RIC8B: variants seen among roughly 807,000 people sequenced by gnomAD.
RIC8B encodes RIC8 guanine nucleotide exchange factor B.
RIC8B carries 16 observed loss-of-function variants against 57.5 expected under a neutral mutation model. The observed-to-expected ratio is 0.28, with a 90% CI of 0.19 to 0.42. The LOEUF is 0.42. Ranked by LOEUF, RIC8B falls within the 10% of genes least tolerant of loss-of-function variation. The probability of loss-of-function intolerance (pLI) is 1.00; values close to 1 mark genes in which losing one functional copy is unlikely to be tolerated. For missense variants in RIC8B, 481 were observed against 677.0 expected, an observed-to-expected ratio of 0.71 and a Z score of 3.21; for synonymous variants, 216 against 250.8, an observed-to-expected ratio of 0.86 and a Z score of 1.31.
At chr12:106,788,433 G>A (rs552279366) in intron 2 of RIC8B, among the ~76,000 whole-genome samples, 73 of 152,296 alleles carry the variant, frequency 4.8e-4, no homozygotes, top group Admixed American at 4.1e-3. Flanking sequence ...TAGGGACTCC[G>A]TGTGGGGGCT....
Position 106,825,785 on chromosome 12 carries a change from A to G in RIC8B, c.801A>G (p.Val267=). The G allele has an allele frequency of 6.2e-7, 1 of 1,613,638 alleles. No individual in the cohort carries two copies. ...TCCTTCGTCATTGTTTACTAATCGTAGGTCCAACTGAAGACAAAACAGAAG... is the reference window on the plus strand; with the variant it reads ...TCCTTCGTCATTGTTTACTAATCGTGGGTCCAACTGAAGACAAAACAGAAG... The part of the protein sequence containing the change: ...AAVLRHCLLI[V]GPTEDKTEEL... Residue 267 remains valine, a synonymous_variant, in exon 4 of 10, where the codon GTA becomes GTG. Transcript: ENST00000392837.
chr12:106,823,243 AAG>A lies in RIC8B; in HGVS notation c.742-2480_742-2479del, dbSNP rs1221084130. On this transcript the variant is annotated intron_variant, in intron 3 of 9. Transcript: ENST00000392837. ...CAAATTATGATTTCATGAGAGAAAA[AAG>A]AGTCTTCTCGGAGAAGATACTTTAG... 9 of 256,820 alleles carry A rather than the reference AAG, an allele frequency of 3.5e-5. No individual in the cohort carries two copies. The Admixed American group carries it at 3.7e-4, about 11-fold the overall frequency. The allele number at this position is 256,820 out of a possible 1,614,324, so 15.9% of individuals were successfully genotyped here.
intron 2 of RIC8B, among the ~76,000 whole-genome samples, chr12:106,792,641 A>T (rs1298775279): frequency 1.3e-5 from 2 of 152,182 alleles, no homozygotes; most frequent in South Asian, 2.1e-4. Context: ...AAAAAATCTA[A>T]AAGTAAGAAA....
At chr12:106,846,714 C>G (rs537957641) in intron 6 of RIC8B, among the ~76,000 whole-genome samples, 1 of 97,674 alleles carries the variant, frequency 1.0e-5, no homozygotes, top group Non-Finnish European at 2.1e-5. Context: ...TATCTCTAAA[C>G]AGAACAGCCA....
At chr12:106,800,720 A>C (rs183141642) in intron 2 of RIC8B, among the ~76,000 whole-genome samples, 1 of 152,326 alleles carries the variant, frequency 6.6e-6, no homozygotes, top group East Asian at 1.9e-4. Flanking sequence ...AGGGATTCAA[A>C]GATAGAGGAA....
At chr12:106,803,871 C>A (rs1475894196) in intron 2 of RIC8B, among the ~76,000 whole-genome samples, 1 of 152,102 alleles carries the variant, frequency 6.6e-6, no homozygotes, top group Non-Finnish European at 1.5e-5. Context: ...CTTAGAAATG[C>A]AAAATTTTAG....
At chr12:106,803,214 T>TAAAAAAAAAAAAAAAAAAAAA (rs758690591) in intron 2 of RIC8B, among the ~76,000 whole-genome samples, 2 of 84,276 alleles carry the variant, frequency 2.4e-5, no homozygotes, top group Admixed American at 1.6e-4. Context: ...ATACCCTGTC[T>TAAAAAAAAAAAAAAAAAAAAA]CAAAAAAAAA....
intron 2 of RIC8B, among the ~76,000 whole-genome samples, chr12:106,807,815 G>A (rs981011046): frequency 1.3e-5 from 2 of 152,208 alleles, no homozygotes; most frequent in Non-Finnish European, 2.9e-5. Context: ...GCTGGGCACT[G>A]TAGCTCATGC....
chr12:106,888,978 C>CTAGA lies in RIC8B; in HGVS notation c.*2964_*2965insAGAT, dbSNP rs745994385. On this transcript the variant is annotated 3_prime_UTR_variant, in exon 10 of 10. Transcript: ENST00000392837. ...ACACAGAATGAGGCAGTACAAGTGACTCTAAACACCCCCTTAGTGCCACAT... is the reference window on the plus strand; with the variant it reads ...ACACAGAATGAGGCAGTACAAGTGACTAGATCTAAACACCCCCTTAGTGCCACAT... 1.3e-5 allele frequency: 2 copies of CTAGA among 152,172 alleles called. No homozygotes were observed. The highest frequency in any genetic ancestry group is 2.4e-5 in the African/African-American group (1 of 41,434). The allele number at this position is 152,172 out of a possible 1,614,324, so 9.4% of individuals were successfully genotyped here.
intron 4 of RIC8B, among the ~76,000 whole-genome samples, chr12:106,832,575 A>G (rs1032070281): frequency 2.8e-4 from 42 of 152,004 alleles, no homozygotes; most frequent in Admixed American, 2.1e-3. Context: ...TGAAAAAAAA[A>G]AAAAAATTTA....
At chr12:106,819,085 T>C (rs576324248) in intron 3 of RIC8B, among the ~76,000 whole-genome samples, 8 of 152,338 alleles carry the variant, frequency 5.3e-5, no homozygotes, top group Admixed American at 3.9e-4. Context: ...TTTTTAACTA[T>C]TCTTCATTGT....
At chr12:106,868,252 T>C (rs73200076) in intron 8 of RIC8B, 17,838 of 455,900 alleles carry the variant, frequency 0.039, 489 homozygotes, top group Middle Eastern at 0.068. Context: ...TGTGTGCAAA[T>C]GTCATTATAT....
chr12:106,827,958 G>T (rs951979670), intron 4 of RIC8B, among the ~76,000 whole-genome samples: 5 of 152,122 alleles, frequency 3.3e-5, no homozygotes, highest in Admixed American at 2.0e-4. Flanking sequence ...AGATTTCTCC[G>T]AATAATGAAT....
intron 6 of RIC8B, among the ~76,000 whole-genome samples, chr12:106,850,094 T>C (rs1217981186): frequency 1.3e-5 from 2 of 152,198 alleles, no homozygotes; most frequent in Non-Finnish European, 2.9e-5. Context: ...GCACAAACAC[T>C]ATTGCGAACT....
intron 9 of RIC8B, chr12:106,873,171 G>A: frequency 1.0e-6 from 1 of 985,426 alleles, no homozygotes. Flanking sequence ...ATGCCCAACT[G>A]AAGGTGACAC....
intron 2 of RIC8B, among the ~76,000 whole-genome samples, chr12:106,785,997 C>A (rs1257406843): frequency 6.6e-6 from 1 of 151,644 alleles, no homozygotes; most frequent in African/African-American, 2.4e-5. Context: ...CAGGTATGTG[C>A]CACCATGCCC....
In RIC8B at chr12:106,879,258, G is replaced by A. The variant is rs1950811820; in HGVS notation, c.1572-6646G>A. ...TTTTGTTTGTATTGCACAAAAACAT[G>A]TGCTGTGGGCAAGAGTATTCTCTTG... On this transcript the variant is annotated intron_variant, in intron 9 of 9. Transcript: ENST00000392837. This position sits in a 1 kb window ranked among gnomAD's most constrained non-coding sequence, Gnocchi z 4.9. The A allele has an allele frequency of 1.0e-6, 1 of 985,556 alleles. No individual in the cohort carries two copies. Among genetic ancestry groups the A allele is most frequent in the South Asian group, 4.7e-5 (1 of 21,282 alleles). The allele number at this position is 985,556 out of a possible 1,614,324, so 61.1% of individuals were successfully genotyped here. A position where few individuals can be genotyped will look rare whatever the true frequency, so the allele number is the denominator to read the frequency against.
intron 9 of RIC8B, among the ~76,000 whole-genome samples, chr12:106,876,635 C>T (rs958560791): frequency 3.3e-5 from 5 of 152,090 alleles, no homozygotes; most frequent in African/African-American, 9.7e-5. Flanking sequence ...TTAAGTAGGA[C>T]GTCATGCTAC....
chr12:106,844,234 T>C (rs914137680), intron 6 of RIC8B, among the ~76,000 whole-genome samples: 5 of 152,152 alleles, frequency 3.3e-5, no homozygotes, highest in African/African-American at 1.2e-4. Context: ...TAAACAAATT[T>C]AAAATATAAT....
Sources: allele counts gnomAD v4.1 joint callset (sites outside exome capture counted in the v4.1 genomes callset), GRCh38; gene constraint gnomAD v4.1.1; non-coding constraint Gnocchi (gnomAD v3.1); transcripts MANE v1.5; gene names NCBI Gene and HGNC (gene_info 2026-07-23, HGNC 2026-07-21).